BCR: variants seen among roughly 807,000 people sequenced by gnomAD.
BCR encodes the protein breakpoint cluster region protein.
BCR carries 58 observed loss-of-function variants against 138.6 expected under a neutral mutation model. The ratio of observed to expected loss-of-function variants is 0.42; its 90% CI spans 0.34 to 0.52. The LOEUF (loss-of-function observed/expected upper bound fraction) is 0.52, where lower values mean the gene tolerates loss of function less well. Among genes scored for constraint, BCR ranks in the 20% least tolerant of loss-of-function variants. The pLI, the probability that BCR is intolerant of heterozygous loss-of-function variation, is 0.06. For synonymous variants in BCR, 786 were observed against 730.1 expected (o/e 1.08, Z -1.23); for missense variants, 1,599 against 1,727.2 (o/e 0.93, Z 1.32).
intron 4 of BCR, among the ~76,000 whole-genome samples, chr22:23,267,539 A>G (rs78919016): frequency 0.016 from 2,466 of 152,348 alleles, 31 homozygotes; most frequent in Non-Finnish European, 0.024. Flanking sequence ...ACACAAAACA[A>G]ACACCAGGAG....
Position 23,315,836 on chromosome 22 carries a change from C to G in BCR, c.*314C>G. ...AAGGGAGTGGTTTTTATGAACTTAA[C>G]TTAGAGTCTAAAAGATTTCTACTGG... On this transcript the variant is annotated 3_prime_UTR_variant, in exon 23 of 23. Transcript: ENST00000305877. The G allele has an allele frequency of 2.2e-6, 1 of 457,840 alleles. No homozygotes were observed. Among genetic ancestry groups the G allele is most frequent in the Non-Finnish European group, 4.1e-6 (1 of 243,454 alleles). 28.4% of individuals were successfully genotyped at this position (457,840 alleles called of 1,614,324 possible).
chr22:23,283,886 G>A (rs1413838707), intron 8 of BCR, 91 bp from the exon 9 acceptor site: 3 of 1,439,422 alleles, frequency 2.1e-6, no homozygotes, highest in Non-Finnish European at 2.7e-6. Flanking sequence ...ATGTCTCTGG[G>A]TCAACCTGCT....
intron 2 of BCR, 147 bp from the exon 3 acceptor site, chr22:23,260,803 C>T: frequency 1.3e-6 from 1 of 754,284 alleles, no homozygotes; most frequent in South Asian, 1.5e-5. Context: ...GGAGGGTCCC[C>T]TGCCTCCCTT....
At chr22:23,290,753 C>T (rs2073776874) in intron 14 of BCR, 1 of 326,290 alleles carries the variant, frequency 3.1e-6, no homozygotes, top group Non-Finnish European at 6.0e-6. Flanking sequence ...GCCAGGAGGG[C>T]TGTCAGCAGT....
At chr22:23,198,428 A>G (rs768543676) in intron 1 of BCR, 2 of 424,256 alleles carry the variant, frequency 4.7e-6, no homozygotes, top group Admixed American at 3.3e-5. Flanking sequence ...GGTGACCCCC[A>G]AAGAGAGGTG....
chr22:23,292,766 G>A (rs182160597), intron 15 of BCR, 128 bp downstream of exon 15: 1 of 712,140 alleles, frequency 1.4e-6, no homozygotes. Flanking sequence ...TGAATTCCAG[G>A]AATCTCCTGG....
intron 16 of BCR, among the ~76,000 whole-genome samples, chr22:23,299,813 TC>T (rs1199987216): frequency 1.3e-5 from 2 of 151,994 alleles, no homozygotes; most frequent in African/African-American, 2.4e-5. Flanking sequence ...GTGCTGAAGT[TC>T]CCAGGGGTGG....
intron 1 of BCR, among the ~76,000 whole-genome samples, chr22:23,232,117 T>C (rs2146244565): frequency 6.6e-6 from 1 of 152,374 alleles, no homozygotes. Flanking sequence ...GTTGGAAGCC[T>C]GGAGACCCAG....
chr22:23,302,620 A>G (rs943634192), intron 16 of BCR: 1 of 152,360 alleles, frequency 6.6e-6, no homozygotes, highest in African/African-American at 2.4e-5. Flanking sequence ...AGTCATGCAC[A>G]TCCTCTCTCA....
At position 23,314,621 on chromosome 22, in the gene BCR, G is replaced by C. The variant is rs755553612; in HGVS notation, c.3633G>C (p.Leu1211=). 1.2e-6 allele frequency: 2 copies of C among 1,611,968 alleles called. No individual in the cohort carries two copies. The highest frequency in any genetic ancestry group is 1.7e-6 in the Non-Finnish European group (2 of 1,179,840). ...HNLATVFGPT[L]LRPSEKESKL... ...TCGCCACGGTCTTTGGCCCCACGCT[G>C]CTCCGGCCCTCCGAGAAGGAGAGCA... Residue 1211 remains leucine, a synonymous_variant, in exon 22 of 23, where the codon CTG becomes CTC. Transcript: ENST00000305877.
At chr22:23,188,911 G>T (rs2072380760) in intron 1 of BCR, among the ~76,000 whole-genome samples, 3 of 152,106 alleles carry the variant, frequency 2.0e-5, no homozygotes, top group Admixed American at 2.0e-4. Context: ...CTGTCACCTA[G>T]GCTGGAGTGC....
intron 1 of BCR, among the ~76,000 whole-genome samples, chr22:23,239,168 G>A (rs566396550): frequency 3.3e-5 from 5 of 152,154 alleles, no homozygotes; most frequent in African/African-American, 1.2e-4. Flanking sequence ...CTCAGGCCCT[G>A]TGTGGGAAGG....
rs541414079 is a variant in BCR, at chr22:23,315,866, C to G, written c.*344C>G. 4.1e-5 allele frequency: 18 copies of G among 436,774 alleles called. No individual in the cohort carries two copies. The highest frequency in any genetic ancestry group is 2.8e-4 in the African/African-American group (14 of 50,518). The allele number at this position is 436,774 out of a possible 1,614,324, so 27.1% of individuals were successfully genotyped here. On this transcript the variant is annotated 3_prime_UTR_variant, in exon 23 of 23. Coordinates refer to ENST00000305877, the MANE Select transcript of BCR (RefSeq NM_004327.4). Reference sequence around the variant, plus strand: ...AGTCTAAAAGATTTCTACTGGATCACTTGTCAAGATGCGCCCTCTCTGGGG... The same window carrying G: ...AGTCTAAAAGATTTCTACTGGATCAGTTGTCAAGATGCGCCCTCTCTGGGG...
At position 23,317,258 on chromosome 22, in the gene BCR, G is replaced by A. The variant is rs564757814; in HGVS notation, c.*1736G>A. 36 of 161,184 alleles carry A rather than the reference G, an allele frequency of 2.2e-4. No homozygotes were observed. Among genetic ancestry groups the A allele is most frequent in the African/African-American group, 1.0e-3 (29 of 28,134 alleles). The allele number at this position is 161,184 out of a possible 1,614,324, so 10.0% of individuals were successfully genotyped here. A position where few individuals can be genotyped will look rare whatever the true frequency, so the allele number is the denominator to read the frequency against. On this transcript the variant is annotated 3_prime_UTR_variant, in exon 23 of 23. Coordinates refer to ENST00000305877, the MANE Select transcript of BCR (RefSeq NM_004327.4). Reference sequence around the variant, plus strand: ...AGCCACTTGAAGGCTTTCTGTCTGCGTCTGTGTGCAGTGTGGATTTAGTTG... The same window carrying A: ...AGCCACTTGAAGGCTTTCTGTCTGCATCTGTGTGCAGTGTGGATTTAGTTG...
At chr22:23,283,302 A>G (rs1392183681) in intron 8 of BCR, 1 of 152,292 alleles carries the variant, frequency 6.6e-6, no homozygotes, top group African/African-American at 2.4e-5. Context: ...CGGGGACCCT[A>G]TCCATCCTGT....
intron 1 of BCR, among the ~76,000 whole-genome samples, chr22:23,212,495 T>C (rs1006621129): frequency 1.3e-5 from 2 of 152,208 alleles, no homozygotes; most frequent in African/African-American, 4.8e-5. Context: ...TGTTGCTGCA[T>C]AGGTGCAGAA....
In BCR at chr22:23,219,379, C is replaced by A. The variant is rs568351298; in HGVS notation, c.1280-34420C>A. ...CCTCCCCCCGGATCCCAAGCCTCTC[C>A]CCACCATGGCTCCAGAGTCATCCCT... On this transcript the variant is annotated intron_variant, in intron 1 of 22. Transcript: ENST00000305877. Among the ~76,000 whole-genome samples, 137 of 152,310 alleles carry A rather than the reference C, an allele frequency of 9.0e-4. 1 individual carries two copies. The highest frequency in any genetic ancestry group is 3.3e-3 in the African/African-American group (136 of 41,568).
intron 1 of BCR, among the ~76,000 whole-genome samples, chr22:23,221,225 G>A (rs990482694): frequency 6.6e-6 from 1 of 152,190 alleles, no homozygotes; most frequent in Non-Finnish European, 1.5e-5. Flanking sequence ...ACCTGCTCAT[G>A]CATCAGGCCG....
intron 1 of BCR, chr22:23,198,341 C>A: frequency 2.3e-6 from 1 of 441,568 alleles, no homozygotes; most frequent in Non-Finnish European, 4.4e-6. Flanking sequence ...GACTGGTGGG[C>A]TGGAGTCCCA....
Sources: gnomAD v4.1 joint callset for allele counts (sites outside exome capture counted in the v4.1 genomes callset) on GRCh38, gnomAD v4.1.1 for gene constraint, MANE v1.5 for transcripts, NCBI Gene and HGNC (gene_info 2026-07-23, HGNC 2026-07-21) for gene names.